The following DNAJC7 variants were observed in gnomAD, a reference collection of about 807,000 sequenced individuals.
DNAJC7 encodes the protein DnaJ heat shock protein family (Hsp40) member C7.
In DNAJC7, 18 loss-of-function variants were observed where a neutral mutation model predicts 67.4. That is an observed-to-expected ratio of 0.27 (90% CI 0.18 to 0.40). DNAJC7 has a LOEUF of 0.40. DNAJC7 is among the 10% of genes least tolerant of loss of function. DNAJC7 has a pLI of 1.00. For missense variants in DNAJC7, 419 were observed against 613.8 expected (o/e 0.68, Z 3.35); for synonymous variants, 220 against 207.8 (o/e 1.06, Z -0.50).
chr17:42,012,784 T>C (rs550958233), intron 1 of DNAJC7, among the ~76,000 whole-genome samples: 2 of 152,268 alleles, frequency 1.3e-5, no homozygotes, highest in Non-Finnish European at 2.9e-5. Flanking sequence ...AACTAATATA[T>C]CTTTTATTTT....
At position 41,982,413 on chromosome 17, in the gene DNAJC7, C is replaced by T. The variant is rs782545512; in HGVS notation, c.1085-12G>A. The T allele has an allele frequency of 3.7e-6, 6 of 1,613,030 alleles. No individual in the cohort carries two copies. In the African/African-American group the frequency reaches 6.7e-5, roughly 18 times the overall value. ...GAGCTGTTTGTGTTCTACAGGAAGA[C>T]ATCTGGCATCAGTGGACAAATCTGA... On this transcript the variant is annotated splice_polypyrimidine_tract_variant and intron_variant, in intron 10 of 13. Coordinates refer to ENST00000457167, the MANE Select transcript of DNAJC7 (RefSeq NM_003315.4).
chr17:41,994,938 T>G lies in DNAJC7; in HGVS notation c.412A>C (p.Asn138His). 6.2e-7 allele frequency: 1 copy of G among 1,613,382 alleles called. No homozygotes were observed. Among genetic ancestry groups the G allele is most frequent in the East Asian group, 2.2e-5 (1 of 44,870 alleles). ...KNAQAQQEFK[N>H]ANAVMEYEKI... is the part of the protein sequence containing the mutation. ...TCATATTCCATGACTGCATTAGCATTCTTGAACTGCACCGGAAAATCAGAC... is the reference window on the plus strand; with the variant it reads ...TCATATTCCATGACTGCATTAGCATGCTTGAACTGCACCGGAAAATCAGAC... Residue 138 changes from asparagine to histidine, a missense_variant, in exon 5 of 14, where the codon AAT becomes CAT. Asn to His is a moderately conservative substitution (Grantham distance 68). Around this residue, in one of 4 missense-constraint regions of DNAJC7, gnomAD observed 179 missense variants for 249.7 expected, o/e 0.72. Coordinates refer to ENST00000457167, the MANE Select transcript of DNAJC7 (RefSeq NM_003315.4).
chr17:41,994,519 C>CAAA (rs68006925), intron 5 of DNAJC7, among the ~76,000 whole-genome samples: 26 of 37,888 alleles, frequency 6.9e-4, no homozygotes, highest in African/African-American at 1.1e-3. Context: ...GACTAGGCCT[C>CAAA]AAAAAAAAAA....
chr17:42,015,117 T>TTACA (rs1393300056), intron 1 of DNAJC7: 5 of 152,064 alleles, frequency 3.3e-5, no homozygotes, highest in African/African-American at 1.2e-4. Context: ...GTAACTGGGA[T>TTACA]TACATGTGTG....
At chr17:41,977,387 G>C (rs573896395) in intron 12 of DNAJC7, 64 bp from the exon 13 acceptor site, 834 of 1,412,478 alleles carry the variant, frequency 5.9e-4, no homozygotes, top group Non-Finnish European at 7.9e-4. Flanking sequence ...TGTTCGAAGA[G>C]AACTGATGAC....
intron 5 of DNAJC7, among the ~76,000 whole-genome samples, chr17:41,990,744 G>A (rs1436284429): frequency 2.7e-5 from 4 of 149,920 alleles, no homozygotes; most frequent in African/African-American, 9.8e-5. Context: ...TTGGCTCACT[G>A]CCACCTCTGC....
rs1567958544 is a variant in DNAJC7, at chr17:41,988,757, C to T, written c.893G>A (p.Cys298Tyr). 6.2e-7 allele frequency: 1 copy of T among 1,610,630 alleles called. No individual in the cohort carries two copies. Among genetic ancestry groups the T allele is most frequent in the Non-Finnish European group, 8.5e-7 (1 of 1,178,854 alleles). ...CTTGGAATTAACCGTACCCCGATTACAGTAGAGTTTAGCATTTGTTTTTAT... is the reference window on the plus strand; with the variant it reads ...CTTGGAATTAACCGTACCCCGATTATAGTAGAGTTTAGCATTTGTTTTTAT... ...NNIKTNAKLYCNRGTVNSKLR... is the reference protein window; with the variant it reads ...NNIKTNAKLYYNRGTVNSKLR... Residue 298 changes from cysteine (C) to tyrosine (Y), a missense_variant, in exon 8 of 14, where the codon TGT becomes TAT. Around this residue, in one of 4 missense-constraint regions of DNAJC7, gnomAD observed 161 missense variants for 252.2 expected, o/e 0.64. Coordinates refer to ENST00000457167, the MANE Select transcript of DNAJC7 (RefSeq NM_003315.4).
At chr17:42,016,960 T>C (rs2143399942) in intron 1 of DNAJC7, 2 of 1,197,492 alleles carry the variant, frequency 1.7e-6, no homozygotes, top group Middle Eastern at 3.7e-4. Context: ...CAGGCAACAA[T>C]GCACAGAAGT....
chr17:42,001,011 C>T (rs2051794296), intron 1 of DNAJC7: 1 of 152,708 alleles, frequency 6.5e-6, no homozygotes, highest in Non-Finnish European at 1.5e-5. Context: ...AAATAGGTCA[C>T]ATCCTCAAGA....
chr17:42,005,631 T>C (rs2051926881), intron 1 of DNAJC7, among the ~76,000 whole-genome samples: 1 of 152,252 alleles, frequency 6.6e-6, no homozygotes, highest in Non-Finnish European at 1.5e-5. Context: ...TCCACCTCAC[T>C]GCATGAAAAA....
rs1555645098 is a variant in DNAJC7 at position 41,977,308 on chromosome 17, T to C, written c.1400A>G (p.Asn467Ser). The C allele has an allele frequency of 1.9e-6, 3 of 1,582,732 alleles. No homozygotes were observed. The highest frequency in any genetic ancestry group is 2.6e-6 in the Non-Finnish European group (3 of 1,164,280). ...GMNMGDFDPN[N>S]IFKAFFGGPG... ...ACCGCCAAAGAATGCCTTGAAGATA[T>C]TGTTTGGATCAAAATCTGTAGAGCA... is the stretch of plus-strand genomic sequence containing the variant. The change falls in exon 13 of 14, where the codon AAT becomes AGT. Residue 467 changes from asparagine to serine, a missense_variant. Asn to Ser is a conservative substitution (Grantham distance 46). Transcript: ENST00000457167.
At chr17:42,002,273 G>T (rs2051827761) in intron 1 of DNAJC7, among the ~76,000 whole-genome samples, 1 of 152,186 alleles carries the variant, frequency 6.6e-6, no homozygotes, top group Non-Finnish European at 1.5e-5. Flanking sequence ...CATCAGAGAA[G>T]ATCTAGCCTC....
chr17:42,007,941 G>A (rs1270414029), intron 1 of DNAJC7, among the ~76,000 whole-genome samples: 1 of 144,142 alleles, frequency 6.9e-6, no homozygotes, highest in Non-Finnish European at 1.5e-5. Flanking sequence ...CGCCTCCCAG[G>A]TTCAACTGAT....
chr17:41,977,617 C>G (rs1307112546), intron 12 of DNAJC7: 5 of 282,732 alleles, frequency 1.8e-5, no homozygotes, highest in Non-Finnish European at 3.3e-5. Flanking sequence ...AATGGAATGC[C>G]ATTTGCACTT....
At chr17:41,989,741 C>T (rs2051466146) in intron 6 of DNAJC7, among the ~76,000 whole-genome samples, 184 bp from the exon 7 acceptor site, 2 of 152,238 alleles carry the variant, frequency 1.3e-5, no homozygotes, top group Admixed American at 6.5e-5. Context: ...ATCTTTAATA[C>T]ACATCTTGTG....
At chr17:42,002,202 G>A (rs1226741268) in intron 1 of DNAJC7, among the ~76,000 whole-genome samples, 1 of 152,196 alleles carries the variant, frequency 6.6e-6, no homozygotes, top group Non-Finnish European at 1.5e-5. Context: ...ATTTCGATTA[G>A]TCAAACTGCT....
chr17:42,006,129 A>G (rs2051946256), intron 1 of DNAJC7, among the ~76,000 whole-genome samples: 1 of 151,330 alleles, frequency 6.6e-6, no homozygotes, highest in East Asian at 2.0e-4. Context: ...TATTTTTAAT[A>G]GAGACGGGAT....
At chr17:42,017,247 C>A in intron 1 of DNAJC7, 93 bp downstream of exon 1, 2 of 1,602,318 alleles carry the variant, frequency 1.2e-6, no homozygotes, top group Non-Finnish European at 1.7e-6. Context: ...GGGGCATCGC[C>A]TCAACAGCTG....
chr17:42,003,307 A>G (rs1188349199), intron 1 of DNAJC7: 2 of 152,178 alleles, frequency 1.3e-5, no homozygotes, highest in African/African-American at 4.8e-5. Flanking sequence ...TCCCTCCTTC[A>G]TTTTGAACCT....
Sources: allele counts gnomAD v4.1 joint callset (sites outside exome capture counted in the v4.1 genomes callset), GRCh38; gene constraint gnomAD v4.1.1; regional missense constraint gnomAD v4.1.1; transcripts MANE v1.5; gene names NCBI Gene and HGNC (gene_info 2026-07-23, HGNC 2026-07-21).